The following DSG2 variants were observed in gnomAD, a reference collection of about 807,000 sequenced individuals.
The protein encoded by DSG2 is desmoglein-2.
In DSG2, 45 loss-of-function variants were observed where a neutral mutation model predicts 75.6. That is an observed-to-expected ratio of 0.60 (90% CI 0.47 to 0.76). DSG2 has a LOEUF of 0.76. Among genes scored for constraint, DSG2 ranks in the 30% least tolerant of loss-of-function variants. DSG2 has a pLI of 0.00. For synonymous variants in DSG2, 429 were observed against 483.9 expected (o/e 0.89, Z 1.49); for missense variants, 1,267 against 1,357.4 (o/e 0.93, Z 1.05).
At chr18:31,510,698 A>G (rs2073061823) in intron 1 of DSG2, among the ~76,000 whole-genome samples, 1 of 152,242 alleles carries the variant, frequency 6.6e-6, no homozygotes, top group African/African-American at 2.4e-5. Flanking sequence ...CAGCAAAACT[A>G]GTTAATAAAA....
intron 1 of DSG2, among the ~76,000 whole-genome samples, chr18:31,498,667 C>T (rs1598799453): frequency 6.6e-5 from 10 of 152,240 alleles, no homozygotes; most frequent in Admixed American, 6.5e-4. Context: ...AACGTGGAGG[C>T]AATAGGGAAC....
intron 1 of DSG2, among the ~76,000 whole-genome samples, chr18:31,506,227 G>C (rs1292456790): frequency 6.6e-6 from 1 of 152,070 alleles, no homozygotes; most frequent in Non-Finnish European, 1.5e-5. Context: ...AGGCATCATC[G>C]TGAATTCCCC....
chr18:31,512,431 C>T (rs938274577), intron 1 of DSG2, among the ~76,000 whole-genome samples: 2 of 152,234 alleles, frequency 1.3e-5, no homozygotes, highest in African/African-American at 4.8e-5. Context: ...TTATGTATTG[C>T]ACGTGCTTCT....
chr18:31,518,511 A>G lies in DSG2; in HGVS notation c.81+237A>G, dbSNP rs9807379. On this transcript the variant is annotated intron_variant, in intron 2 of 14. Coordinates refer to ENST00000261590, the MANE Select transcript of DSG2 (RefSeq NM_001943.5). ...ATTTATGGTACATGAAAGAATGTCC[A>G]TGACGAGGTGCTGAATGAAAATCGG... 0.24 allele frequency among the ~76,000 whole-genome samples: 35,918 copies of G among 152,112 alleles called. 4,716 individuals are homozygous for G. Among genetic ancestry groups the G allele is most frequent in the East Asian group, 0.3 (1,572 of 5,164 alleles).
Position 31,548,697 on chromosome 18 carries a change from C to G in DSG2, c.*1954C>G, listed in dbSNP as rs2073332269. 1 of 152,178 alleles carries G rather than the reference C, an allele frequency of 6.6e-6. No individual in the cohort carries two copies. Among genetic ancestry groups the G allele is most frequent in the Non-Finnish European group, 1.5e-5 (1 of 68,022 alleles). 9.4% of individuals were successfully genotyped at this position (152,178 alleles called of 1,614,324 possible). ...CTTCCACCTTGAGCAGCCTTGGAAA[C>G]CTAACCTGCCTCTTTTAGCATAATC... On this transcript the variant is annotated 3_prime_UTR_variant, in exon 15 of 15. Transcript: ENST00000261590.
chr18:31,509,131 T>C (rs1291820356), intron 1 of DSG2, among the ~76,000 whole-genome samples: 1 of 152,210 alleles, frequency 6.6e-6, no homozygotes, highest in African/African-American at 2.4e-5. Context: ...AAAACTTTAC[T>C]TGAAATAAGA....
intron 10 of DSG2, among the ~76,000 whole-genome samples, chr18:31,535,869 A>G (rs554792096): frequency 6.6e-6 from 1 of 152,296 alleles, no homozygotes; most frequent in Non-Finnish European, 1.5e-5. Flanking sequence ...GGAACACTTG[A>G]GCCCAGGAGT....
chr18:31,533,351 T>A (rs2073209651), intron 9 of DSG2, among the ~76,000 whole-genome samples: 1 of 152,146 alleles, frequency 6.6e-6, no homozygotes, highest in Non-Finnish European at 1.5e-5. Context: ...TGGCACATGT[T>A]TGTAGTCCCC....
At position 31,536,267 on chromosome 18, in the gene DSG2, C is replaced by G; in HGVS notation, c.1489C>G (p.Pro497Ala). 6.2e-6 allele frequency: 10 copies of G among 1,614,178 alleles called. No individual in the cohort carries two copies. Among genetic ancestry groups the G allele is most frequent in the Non-Finnish European group, 8.5e-6 (10 of 1,180,032 alleles). The stretch of plus-strand genomic sequence containing the variant: ...TGTTGAAGACATCAACGACAACTGT[C>G]CCACACTGATAGAGCCTGTGCAGAC... ...INVEDINDNCPTLIEPVQTIC... is the reference protein window; with the variant it reads ...INVEDINDNCATLIEPVQTIC... Residue 497 changes from proline to alanine, a missense_variant, in exon 11 of 15, where the codon CCC becomes GCC. By Grantham distance (27) the Pro-to-Ala change is conservative. Coordinates refer to ENST00000261590, the MANE Select transcript of DSG2 (RefSeq NM_001943.5).
chr18:31,545,714 A>G lies in DSG2; in HGVS notation c.2335-7A>G, dbSNP rs528851283. 6 of 1,612,816 alleles carry G rather than the reference A, an allele frequency of 3.7e-6. No individual in the cohort carries two copies. The highest frequency in any genetic ancestry group is 1.1e-5 in the South Asian group (1 of 91,080). ...TTTGTGTTTGTTTTGTTTTGTTTTCATTTTAGAAAGCGGCCTCTTACACTG... is the reference window on the plus strand; with the variant it reads ...TTTGTGTTTGTTTTGTTTTGTTTTCGTTTTAGAAAGCGGCCTCTTACACTG... On this transcript the variant is annotated splice_polypyrimidine_tract_variant and splice_region_variant and intron_variant, in intron 14 of 14. Transcript: ENST00000261590.
rs188609235 is a variant in DSG2 at position 31,498,661 on chromosome 18, T to G, written c.45+365T>G. Among the ~76,000 whole-genome samples, 419 of 152,204 alleles carry G rather than the reference T, an allele frequency of 2.8e-3. 1 individual carries two copies. The highest frequency in any genetic ancestry group is 9.7e-3 in the African/African-American group (403 of 41,520). ...TTGAGAGTCTCTGGGACGAGAAACG[T>G]GGAGGCAATAGGGAACAACCTCGCG... On this transcript the variant is annotated intron_variant, in intron 1 of 14. Coordinates refer to ENST00000261590, the MANE Select transcript of DSG2 (RefSeq NM_001943.5).
intron 9 of DSG2, among the ~76,000 whole-genome samples, chr18:31,531,680 C>T (rs1038081196): frequency 3.9e-5 from 6 of 152,210 alleles, no homozygotes; most frequent in African/African-American, 1.2e-4. Context: ...CTTTACTTAA[C>T]GCATATATCT....
intron 1 of DSG2, among the ~76,000 whole-genome samples, chr18:31,502,194 G>A (rs1173618006): frequency 6.6e-6 from 1 of 152,138 alleles, no homozygotes; most frequent in African/African-American, 2.4e-5. Context: ...AGAAATCCCC[G>A]ATAAGCTAAA....
chr18:31,522,912 C>G (rs1028299294), intron 6 of DSG2, among the ~76,000 whole-genome samples: 1 of 152,166 alleles, frequency 6.6e-6, no homozygotes, highest in African/African-American at 2.4e-5. Context: ...GAAGGCATTT[C>G]TCTCGAACAT....
Position 31,542,674 on chromosome 18 carries a change from A to G in DSG2, c.2156A>G (p.Glu719Gly). 1.2e-6 allele frequency: 2 copies of G among 1,614,170 alleles called. No homozygotes were observed. Among genetic ancestry groups the G allele is most frequent in the Non-Finnish European group, 1.7e-6 (2 of 1,180,026 alleles). ...ATGTCCGAGATGGATGGAAGGTGGG[A>G]AGAACACAGAAGCCTGCTTTCTGGT... is the stretch of plus-strand genomic sequence containing the variant. ...HEMSEMDGRWEEHRSLLSGRA... is the reference protein window; with the variant it reads ...HEMSEMDGRWGEHRSLLSGRA... The change falls in exon 14 of 15, where the codon GAA (glutamate) becomes GGA (glycine). Residue 719 changes from glutamate (E) to glycine (G), a missense_variant. Glu to Gly is a moderately conservative substitution (Grantham distance 98). Transcript: ENST00000261590.
rs1567930368 is a variant in DSG2 at position 31,535,350 on chromosome 18, A to C, written c.1361A>C (p.Asp454Ala). ...GAAATTAAACTTGCAAAACTTCCTG[A>C]TTTTGAATCTAGATATGTTCAAAAT... ...TSEIKLAKLPDFESRYVQNGT... is the reference protein window; with the variant it reads ...TSEIKLAKLPAFESRYVQNGT... Residue 454 changes from aspartate (D) to alanine (A), a missense_variant, in exon 10 of 15, where the codon GAT becomes GCT. Coordinates refer to ENST00000261590, the MANE Select transcript of DSG2 (RefSeq NM_001943.5). The C allele has an allele frequency of 6.2e-7, 1 of 1,611,492 alleles. No homozygotes were observed. Among genetic ancestry groups the C allele is most frequent in the Non-Finnish European group, 8.5e-7 (1 of 1,178,060 alleles).
chr18:31,523,205 T>A (rs897076442), intron 6 of DSG2, among the ~76,000 whole-genome samples: 1 of 152,042 alleles, frequency 6.6e-6, no homozygotes, highest in African/African-American at 2.4e-5. Flanking sequence ...ATCGAGACCA[T>A]CCTGGCTAAC....
intron 1 of DSG2, among the ~76,000 whole-genome samples, chr18:31,506,070 A>G (rs1475681393): frequency 4.6e-5 from 7 of 152,218 alleles, no homozygotes; most frequent in South Asian, 2.1e-4. Context: ...TGGAGCTTAC[A>G]GTGGAGAAAG....
At position 31,546,413 on chromosome 18, in the gene DSG2, A is replaced by G. The variant is rs1383834116; in HGVS notation, c.3027A>G (p.Gln1009=). The G allele has an allele frequency of 2.5e-6, 4 of 1,614,070 alleles. No individual in the cohort carries two copies. Among genetic ancestry groups the G allele is most frequent in the Middle Eastern group, 1.6e-4 (1 of 6,084 alleles). ...CTCTGGAAGGCACTCAGCATCTTCA[A>G]GATGTACCTTACGTCATGGTGAGGG... is the stretch of plus-strand genomic sequence containing the variant. ...SNPLEGTQHL[Q]DVPYVMVRER... is the part of the protein sequence containing the mutation. Residue 1009 remains glutamine (Q), a synonymous_variant, in exon 15 of 15, where the codon CAA becomes CAG. Transcript: ENST00000261590.
Sources: gnomAD v4.1 joint callset for allele counts (sites outside exome capture counted in the v4.1 genomes callset) on GRCh38, gnomAD v4.1.1 for gene constraint, MANE v1.5 for transcripts, NCBI Gene and HGNC (gene_info 2026-07-23, HGNC 2026-07-21) for gene names.